ZNF385D: variants seen among roughly 807,000 people sequenced by gnomAD.
ZNF385D encodes zinc finger protein 385D.
ZNF385D carries 15 observed loss-of-function variants against 35.8 expected under a neutral mutation model. The ratio of observed to expected loss-of-function variants is 0.42; its 90% CI spans 0.28 to 0.64. ZNF385D has a LOEUF of 0.64. Ranked by LOEUF, ZNF385D falls within the 30% of genes least tolerant of loss-of-function variation. The probability of loss-of-function intolerance (pLI) is 0.23; values close to 1 mark genes in which losing one functional copy is unlikely to be tolerated. For missense variants in ZNF385D, 474 were observed against 494.6 expected, an observed-to-expected ratio of 0.96 and a Z score of 0.39; for synonymous variants, 212 against 186.8, an observed-to-expected ratio of 1.13 and a Z score of -1.10.
chr3:21,588,103 G>A (rs575234758), intron 2 of ZNF385D, among the ~76,000 whole-genome samples: 2 of 152,256 alleles, frequency 1.3e-5, no homozygotes, highest in Non-Finnish European at 2.9e-5. Flanking sequence ...GTGCAGTCTA[G>A]TGGGGATGAC....
At chr3:22,179,869 T>G (rs1379706103) in intron 2 of ZNF385D, among the ~76,000 whole-genome samples, 1 of 151,882 alleles carries the variant, frequency 6.6e-6, no homozygotes, top group Non-Finnish European at 1.5e-5. Flanking sequence ...ACATCACAAT[T>G]AAAAGAACTA....
At chr3:21,734,495 CAG>C (rs1390827742) in intron 1 of ZNF385D, among the ~76,000 whole-genome samples, 1 of 150,560 alleles carries the variant, frequency 6.6e-6, no homozygotes, top group African/African-American at 2.4e-5. Context: ...AAGAGACTAA[CAG>C]TGAATAAAAA....
intron 3 of ZNF385D, among the ~76,000 whole-genome samples, chr3:21,789,770 A>C (rs2071849714): frequency 6.6e-6 from 1 of 152,208 alleles, no homozygotes; most frequent in South Asian, 2.1e-4. Context: ...AAAATGCTTA[A>C]AATATTCAGC....
chr3:21,701,809 C>T (rs2067694022), intron 1 of ZNF385D, among the ~76,000 whole-genome samples: 1 of 152,252 alleles, frequency 6.6e-6, no homozygotes, highest in East Asian at 1.9e-4. Context: ...TCCAGCAGGG[C>T]AGTCAAATTT....
Position 22,095,088 on chromosome 3 carries a change from C to CTTT in ZNF385D, c.325+73726_325+73728dup, listed in dbSNP as rs10663641. On this transcript the variant is annotated intron_variant, in intron 3 of 5. Transcript: ENST00000494108. ...ATGCCCAGTTATTTTTTCATTCTTT[C>CTTT]TTTTTTTTTTTTTTTTTGTAGAGAT... Among the ~76,000 whole-genome samples, 395 of 121,942 alleles carry CTTT rather than the reference C, an allele frequency of 3.2e-3. 6 individuals are homozygous for CTTT. The highest frequency in any genetic ancestry group is 4.4e-3 in the Middle Eastern group (1 of 226). 80.0% of individuals were successfully genotyped at this position (121,942 alleles called of 152,430 possible).
intron 2 of ZNF385D, among the ~76,000 whole-genome samples, chr3:22,189,831 C>G (rs1695896236): frequency 6.6e-6 from 1 of 152,144 alleles, no homozygotes; most frequent in South Asian, 2.1e-4. Context: ...CCAGCCAATT[C>G]TACATTGCCT....
At chr3:21,732,277 C>T (rs149057910) in intron 1 of ZNF385D, among the ~76,000 whole-genome samples, 1 of 151,862 alleles carries the variant, frequency 6.6e-6, no homozygotes, top group East Asian at 1.9e-4. Flanking sequence ...GTCTGGAACT[C>T]CTGACCTCAG....
chr3:21,847,419 A>G (rs1696081881), intron 3 of ZNF385D, among the ~76,000 whole-genome samples: 1 of 152,120 alleles, frequency 6.6e-6, no homozygotes, highest in Admixed American at 6.6e-5. Flanking sequence ...GGCTGCACCA[A>G]TAACTGAACA....
intron 3 of ZNF385D, among the ~76,000 whole-genome samples, chr3:22,020,616 C>T (rs1052000758): frequency 4.6e-5 from 7 of 151,862 alleles, no homozygotes; most frequent in Admixed American, 3.3e-4. Flanking sequence ...ATTAAAAAGT[C>T]AAGAAATAAC....
chr3:22,156,794 A>G (rs1175159385), intron 3 of ZNF385D, among the ~76,000 whole-genome samples: 1 of 152,078 alleles, frequency 6.6e-6, no homozygotes, highest in African/African-American at 2.4e-5. Context: ...ATACCAGGGA[A>G]TCTGAATTTT....
chr3:22,180,655 C>A (rs1695178569), intron 2 of ZNF385D, among the ~76,000 whole-genome samples: 1 of 152,150 alleles, frequency 6.6e-6, no homozygotes, highest in Non-Finnish European at 1.5e-5. Context: ...AAGCATAATC[C>A]AGCATATAAA....
chr3:21,974,035 A>G (rs752331415), intron 3 of ZNF385D, among the ~76,000 whole-genome samples: 2 of 152,184 alleles, frequency 1.3e-5, no homozygotes, highest in African/African-American at 2.4e-5. Context: ...CTATCAAAAT[A>G]CCAATAACAT....
intron 2 of ZNF385D, among the ~76,000 whole-genome samples, chr3:22,318,533 T>C (rs1421707636): frequency 6.6e-6 from 1 of 152,106 alleles, no homozygotes; most frequent in Admixed American, 6.6e-5. Context: ...ATGTTTCTGA[T>C]TGAGAGAGGA....
chr3:21,474,012 G>C (rs1437520793), intron 4 of ZNF385D, among the ~76,000 whole-genome samples: 1 of 151,938 alleles, frequency 6.6e-6, no homozygotes, highest in Non-Finnish European at 1.5e-5. Flanking sequence ...GTATATATGT[G>C]TGTGTGTATA....
intron 3 of ZNF385D, among the ~76,000 whole-genome samples, chr3:22,005,056 C>CAAAAAAAAAAAAAAA (rs71044965): frequency 1.7e-5 from 1 of 57,356 alleles, no homozygotes. Context: ...CACTCAGCAG[C>CAAAAAAAAAAAAAAA]AAAAAAAAAA....
intron 1 of ZNF385D, among the ~76,000 whole-genome samples, chr3:21,704,113 T>C (rs2067806982): frequency 6.6e-6 from 1 of 152,178 alleles, no homozygotes; most frequent in African/African-American, 2.4e-5. Context: ...AAACACATAT[T>C]TGGAAGTTAG....
intron 1 of ZNF385D, among the ~76,000 whole-genome samples, chr3:21,702,043 A>G (rs750509060): frequency 3.9e-5 from 6 of 152,138 alleles, no homozygotes; most frequent in Non-Finnish European, 7.4e-5. Flanking sequence ...GGAGGACAGT[A>G]ACCCTCTTCT....
intron 3 of ZNF385D, among the ~76,000 whole-genome samples, chr3:21,801,820 G>C (rs1235436888): frequency 2.6e-5 from 4 of 152,026 alleles, no homozygotes; most frequent in Non-Finnish European, 5.9e-5. Context: ...GACCAATTTG[G>C]GTTTCAGGAT....
At chr3:21,891,402 C>T (rs868099014) in intron 3 of ZNF385D, among the ~76,000 whole-genome samples, 5 of 152,150 alleles carry the variant, frequency 3.3e-5, no homozygotes, top group African/African-American at 1.2e-4. Flanking sequence ...AATGTCTGCC[C>T]AGCCATCCTG....
Sources: allele counts gnomAD v4.1 joint callset (sites outside exome capture counted in the v4.1 genomes callset), GRCh38; gene constraint gnomAD v4.1.1; transcripts MANE v1.5; gene names NCBI Gene and HGNC (gene_info 2026-07-23, HGNC 2026-07-21).